TTN: variants seen among roughly 807,000 people sequenced by gnomAD.
TTN encodes titin, also known as connectin.
A neutral mutation model predicts 3,223.0 loss-of-function variants in TTN; 1,525 were observed. The observed-to-expected ratio is 0.47, with a 90% CI of 0.45 to 0.49. TTN has a LOEUF of 0.49. TTN is among the 20% of genes least tolerant of loss of function. The pLI, the probability that TTN is intolerant of heterozygous loss-of-function variation, is 0.00. For synonymous variants in TTN, 14,094 were observed against 15,161.0 expected, an observed-to-expected ratio of 0.93 and a Z score of 5.17; for missense variants, 40,786 against 43,424.0, an observed-to-expected ratio of 0.94 and a Z score of 5.40.
chr2:178,763,367 AC>A (rs2089704840), intron 43 of TTN, among the ~76,000 whole-genome samples: 1 of 152,164 alleles, frequency 6.6e-6, no homozygotes, highest in Non-Finnish European at 1.5e-5. Flanking sequence ...GAGTTACCTA[AC>A]TTAATCTTGA....
chr2:178,674,059 G>C (rs1406597404), intron 151 of TTN, among the ~76,000 whole-genome samples: 1 of 151,644 alleles, frequency 6.6e-6, no homozygotes, highest in Non-Finnish European at 1.5e-5. Context: ...AACTATTATA[G>C]TAGGGCCTGG....
In TTN at chr2:178,564,204, A is replaced by G. The variant is rs794727454; in HGVS notation, c.81928T>C (p.Ser27310Pro). 1.2e-6 allele frequency: 2 copies of G among 1,613,638 alleles called. No homozygotes were observed. Among genetic ancestry groups the G allele is most frequent in the Non-Finnish European group, 1.7e-6 (2 of 1,179,780 alleles). ...TCTTCAAGTTCTTTTCCATCTTTTG[A>G]CCAAACAACATCAGGTATAGGTTTG... ...RGKPIPDVVW[S>P]KDGKELEETA... Residue 27310 changes from serine (S) to proline (P), a missense_variant, in exon 326 of 363, where the codon TCA (serine) becomes CCA (proline). Ser to Pro is a moderately conservative substitution (Grantham distance 74, BLOSUM62 -1). Transcript: ENST00000589042.
At chr2:178,751,756 A>G (rs769624495) in intron 47 of TTN, 1 of 1,613,178 alleles carries the variant, frequency 6.2e-7, no homozygotes, top group Non-Finnish European at 8.5e-7. Context: ...TAATCCGACG[A>G]AGACCTGTTG....
chr2:178,575,860 T>C lies in TTN; in HGVS notation c.70272A>G (p.Lys23424=), dbSNP rs772161350. Residue 23424 remains lysine, a synonymous_variant, in exon 326 of 363, where the codon AAA becomes AAG. Transcript: ENST00000589042. The surrounding 1 kb of genome is among the most constrained non-coding windows in gnomAD (Gnocchi z 4.0). ...AGACTCTGACGTTCACAAAGCCACTTTTCTTCCCAGCCGGGTTTTCAATGG... is the reference window on the plus strand; with the variant it reads ...AGACTCTGACGTTCACAAAGCCACTCTTCTTCCCAGCCGGGTTTTCAATGG... ...VMTIENPAGK[K]SGFVNVRVLD... 1 of 1,613,532 alleles carries C rather than the reference T, an allele frequency of 6.2e-7. No individual in the cohort carries two copies. Among genetic ancestry groups the C allele is most frequent in the East Asian group, 2.2e-5 (1 of 44,834 alleles).
At position 178,778,887 on chromosome 2, in the gene TTN, C is replaced by A. The variant is rs1554011657; in HGVS notation, c.4195G>T (p.Val1399Leu). The change falls in exon 24 of 363, where the codon GTG becomes TTG. Residue 1399 changes from valine (V) to leucine (L), a missense_variant. Val to Leu is a conservative substitution (Grantham distance 32). Transcript: ENST00000589042. ...TACAAGTCTTACCTGATTCTGCTCA[C>A]TGGCTCTAGTGTGGGAATGTAAGTC... ...APTYIPTLEP[V>L]SRIRSLSPRS... 5 of 1,613,930 alleles carry A rather than the reference C, an allele frequency of 3.1e-6. No homozygotes were observed. In the Middle Eastern group the frequency reaches 6.6e-4, roughly 213 times the overall value.
chr2:178,546,898 T>C lies in TTN; in HGVS notation c.94530A>G (p.Pro31510=), dbSNP rs902954756. Reference sequence around the variant, plus strand: ...TGACATCTGTCACCTCTGGTCTGCCTGGTGCATCTGGAAGGGATGCAAAAA... The same window carrying C: ...TGACATCTGTCACCTCTGGTCTGCCCGGTGCATCTGGAAGGGATGCAAAAA... The part of the protein sequence containing the change: ...PIMAQNPVDA[P]GRPEVTDVTR... The change falls in exon 341 of 363, where the codon CCA becomes CCG. Residue 31510 remains proline, a synonymous_variant. Coordinates refer to ENST00000589042, the MANE Select transcript of TTN (RefSeq NM_001267550.2). 3.2e-6 allele frequency: 5 copies of C among 1,583,770 alleles called. No homozygotes were observed. Among genetic ancestry groups the C allele is most frequent in the Middle Eastern group, 3.4e-4 (2 of 5,918 alleles).
rs1057103177 is a variant in TTN, at chr2:178,733,058, G to T, written c.16118C>A (p.Thr5373Asn). The T allele has an allele frequency of 3.7e-6, 6 of 1,612,480 alleles. No individual in the cohort carries two copies. In the African/African-American group the frequency reaches 4.0e-5, roughly 11 times the overall value. Residue 5373 changes from threonine (T) to asparagine (N), a missense_variant, in exon 55 of 363, where the codon ACC becomes AAC. Coordinates refer to ENST00000589042, the MANE Select transcript of TTN (RefSeq NM_001267550.2). ...TGCAATTTTGCAGTCCAGTCTGCAG[G>T]TACCATTAACAACACTATCCACGTT... ...LRNVDSVVNG[T>N]CRLDCKIAGS...
chr2:178,713,223 T>C lies in TTN; in HGVS notation c.26911A>G (p.Lys8971Glu), dbSNP rs373877046. The C allele has an allele frequency of 2.0e-5, 32 of 1,613,428 alleles. No individual in the cohort carries two copies. The highest frequency in any genetic ancestry group is 2.7e-5 in the Non-Finnish European group (32 of 1,179,692). ...TTATCTGTCAGGGTGGTCTGGTATTTCCTTCCACTACTGATCTCATTTCCT... is the reference window on the plus strand; with the variant it reads ...TTATCTGTCAGGGTGGTCTGGTATTCCCTTCCACTACTGATCTCATTTCCT... ...HEGNEISSGR[K>E]YQTTLTDNTC... The change falls in exon 93 of 363, where the codon AAA becomes GAA. Residue 8971 changes from lysine (K) to glutamate (E), a missense_variant. Lys to Glu is a moderately conservative substitution (Grantham distance 56). Coordinates refer to ENST00000589042, the MANE Select transcript of TTN (RefSeq NM_001267550.2).
At chr2:178,787,385 A>C (rs1272796070) in intron 13 of TTN, among the ~76,000 whole-genome samples, 2 of 152,128 alleles carry the variant, frequency 1.3e-5, no homozygotes, top group Admixed American at 6.5e-5. Context: ...TAAAATACAC[A>C]TGAGGCTTAG....
At chr2:178,641,834 T>C (rs1017571795) in intron 219 of TTN, among the ~76,000 whole-genome samples, 3 of 151,882 alleles carry the variant, frequency 2.0e-5, no homozygotes, top group Non-Finnish European at 4.4e-5. Flanking sequence ...TGTTATTTAT[T>C]AGTTGTGGTG....
intron 6 of TTN, chr2:178,799,218 C>A: frequency 2.2e-6 from 1 of 452,244 alleles, no homozygotes; most frequent in Non-Finnish European, 4.1e-6. Flanking sequence ...TTCCCAAGAT[C>A]ACCCTGACCT....
chr2:178,677,482 T>C, intron 146 of TTN, 139 bp downstream of exon 146: 1 of 893,388 alleles, frequency 1.1e-6, no homozygotes, highest in Non-Finnish European at 1.6e-6. Context: ...AACACACATG[T>C]CTGGAATGTT....
chr2:178,591,179 C>T lies in TTN; in HGVS notation c.60546G>A (p.Leu20182=). 2 of 1,613,308 alleles carry T rather than the reference C, an allele frequency of 1.2e-6. No homozygotes were observed. The highest frequency in any genetic ancestry group is 1.1e-5 in the South Asian group (1 of 91,060). ...PGPPTGPINI[L]DVTPEHMTIS... ...TAGTCATGTGTTCAGGAGTAACATC[C>T]AGAATATTAATAGGACCTGTTGGTG... Residue 20182 remains leucine (L), a synonymous_variant, in exon 304 of 363, where the codon CTG becomes CTA. Transcript: ENST00000589042.
rs2092914305 is a variant in TTN, at chr2:178,783,063, C to T, written c.2843G>A (p.Gly948Asp). 1.9e-6 allele frequency: 3 copies of T among 1,613,868 alleles called. No individual in the cohort carries two copies. Among genetic ancestry groups the T allele is most frequent in the Non-Finnish European group, 2.5e-6 (3 of 1,179,888 alleles). The change falls in exon 18 of 363, where the codon GGC (glycine) becomes GAC (aspartate). Residue 948 changes from glycine (G) to aspartate (D), a missense_variant and splice_region_variant. By Grantham distance (94) the Gly-to-Asp change is moderately conservative. Coordinates refer to ENST00000589042, the MANE Select transcript of TTN (RefSeq NM_001267550.2). Reference sequence around the variant, plus strand: ...TTCTATGACAGTCACATTTTTTAAGCCCTGAAGAGAGGAGAAAAAATAAAT... The same window carrying T: ...TTCTATGACAGTCACATTTTTTAAGTCCTGAAGAGAGGAGAAAAAATAAAT... ...IPVTPPTLVS[G>D]LKNVTVIEGE...
In TTN at chr2:178,723,540, A is replaced by T. The variant is rs769799292; in HGVS notation, c.21560T>A (p.Phe7187Tyr). Residue 7187 changes from phenylalanine to tyrosine, a missense_variant, in exon 74 of 363, where the codon TTT becomes TAT. Phe to Tyr is a conservative substitution (Grantham distance 22). Transcript: ENST00000589042. ...LVKGDRCNIY[F>Y]EDTVAELELF... ...TTCCAGTTCTGCCACAGTGTCTTCA[A>T]AATAGATGTTGCACCGGTCTCCTTT... 3 of 1,613,312 alleles carry T rather than the reference A, an allele frequency of 1.9e-6. No individual in the cohort carries two copies. In the East Asian group the frequency reaches 6.7e-5, roughly 36 times the overall value.
In TTN at chr2:178,613,151, T is replaced by C. The variant is rs764905684; in HGVS notation, c.49648+10A>G. The C allele has an allele frequency of 1.9e-6, 3 of 1,607,018 alleles. No homozygotes were observed. The highest frequency in any genetic ancestry group is 2.5e-6 in the Non-Finnish European group (3 of 1,177,584). On this transcript the variant is annotated intron_variant, in intron 264 of 362. Coordinates refer to ENST00000589042, the MANE Select transcript of TTN (RefSeq NM_001267550.2). The stretch of plus-strand genomic sequence containing the variant: ...CTTCGAAATAACCACAAAAATTATA[T>C]AAATAATACCTATGGGATCCTTTAT...
At chr2:178,528,024 G>C in intron 361 of TTN, 1 of 551,594 alleles carries the variant, frequency 1.8e-6, no homozygotes, top group Admixed American at 3.5e-5. Context: ...GAAAGTAATT[G>C]ACATATTGTG....
Position 178,795,145 on chromosome 2 carries a change from A to T in TTN, c.1022T>A (p.Val341Glu). 1 of 1,614,144 alleles carries T rather than the reference A, an allele frequency of 6.2e-7. No individual in the cohort carries two copies. The highest frequency in any genetic ancestry group is 8.5e-7 in the Non-Finnish European group (1 of 1,180,014). Residue 341 changes from valine to glutamate, a missense_variant, in exon 7 of 363, where the codon GTG (valine) becomes GAG (glutamate). Physicochemically the swap from Val to Glu is moderately radical, Grantham distance 121. Transcript: ENST00000589042. ...GCCCTCTTGCTTCCAAGGGGGAGGC[A>T]CTTCAGGACCTGTGGCCACGGTGGA... is the stretch of plus-strand genomic sequence containing the variant. ...QASTVATGPE[V>E]PPPWKQEGYV...
chr2:178,747,881 T>C, intron 47 of TTN: 2 of 1,613,144 alleles, frequency 1.2e-6, no homozygotes, highest in Non-Finnish European at 1.7e-6. Context: ...TGGATTCTGT[T>C]GTTCTTCAGT....
Sources: gnomAD v4.1 joint callset for allele counts (sites outside exome capture counted in the v4.1 genomes callset) on GRCh38, gnomAD v4.1.1 for gene constraint, Gnocchi (gnomAD v3.1) non-coding constraint, MANE v1.5 for transcripts, NCBI Gene and HGNC (gene_info 2026-07-23, HGNC 2026-07-21) for gene names.